DKK3: variants seen among roughly 807,000 people sequenced by gnomAD.
The protein encoded by DKK3 is dickkopf-related protein 3.
DKK3 carries 22 observed loss-of-function variants against 33.2 expected under a neutral mutation model. That is an observed-to-expected ratio of 0.66 (90% CI 0.47 to 0.95). The LOEUF (loss-of-function observed/expected upper bound fraction) is 0.95, where lower values mean the gene tolerates loss of function less well. DKK3 is among the 40% of genes least tolerant of loss of function. The pLI is 0.00. For missense variants in DKK3, 398 were observed against 458.4 expected (o/e 0.87, Z 1.20); for synonymous variants, 194 against 188.8 (o/e 1.03, Z -0.23).
intron 3 of DKK3, among the ~76,000 whole-genome samples, chr11:11,988,999 GAC>G (rs1848131708): frequency 6.6e-6 from 1 of 152,178 alleles, no homozygotes; most frequent in South Asian, 2.1e-4. Flanking sequence ...GGAATTTTGA[GAC>G]AGTCCTTCAG....
At chr11:11,988,412 C>T (rs570191401) in intron 3 of DKK3, among the ~76,000 whole-genome samples, 41 of 152,308 alleles carry the variant, frequency 2.7e-4, no homozygotes, top group African/African-American at 7.2e-4. Context: ...CTGCATTCCC[C>T]GCTTCCCATC....
In DKK3 at chr11:11,964,220, A is replaced by G. The variant is rs1349199948; in HGVS notation, c.*244T>C. 2 of 547,804 alleles carry G rather than the reference A, an allele frequency of 3.7e-6. No individual in the cohort carries two copies. Among genetic ancestry groups the G allele is most frequent in the Non-Finnish European group, 6.5e-6 (2 of 308,764 alleles). 33.9% of individuals were successfully genotyped at this position (547,804 alleles called of 1,614,324 possible). A position where few individuals can be genotyped will look rare whatever the true frequency, so the allele number is the denominator to read the frequency against. Reference sequence around the variant, plus strand: ...AGGCAAAGCAGCCAATAATCTGGACAGGGGTGGCAAACTGCTCCTGCAGTT... The same window carrying G: ...AGGCAAAGCAGCCAATAATCTGGACGGGGGTGGCAAACTGCTCCTGCAGTT... On this transcript the variant is annotated 3_prime_UTR_variant, in exon 7 of 7. Coordinates refer to ENST00000683431, the MANE Select transcript of DKK3 (RefSeq NM_001018057.2).
intron 3 of DKK3, among the ~76,000 whole-genome samples, chr11:11,989,962 T>C (rs4910430): frequency 0.086 from 13,147 of 152,308 alleles, 857 homozygotes; most frequent in Admixed American, 0.22. Context: ...GCAAGTCAGA[T>C]GCCTGGCACA....
rs940047032 is a variant in DKK3, at chr11:11,998,597, C to A, written c.435+99G>T. On this transcript the variant is annotated intron_variant, in intron 3 of 6. Transcript: ENST00000683431. Reference sequence around the variant, plus strand: ...AGAAATGAGTCAGGAGACTCCACTCCCTCCTGCCCATGGTCTGCATCTGAG... The same window carrying A: ...AGAAATGAGTCAGGAGACTCCACTCACTCCTGCCCATGGTCTGCATCTGAG... 1.7e-5 allele frequency: 18 copies of A among 1,030,646 alleles called. No individual in the cohort carries two copies. In the Admixed American group the frequency reaches 3.0e-4, roughly 17 times the overall value. The allele number at this position is 1,030,646 out of a possible 1,614,324, so 63.8% of individuals were successfully genotyped here.
At chr11:11,971,276 A>G (rs1007906817) in intron 3 of DKK3, among the ~76,000 whole-genome samples, 2 of 152,210 alleles carry the variant, frequency 1.3e-5, no homozygotes, top group East Asian at 1.9e-4. Flanking sequence ...AAATCCCTCC[A>G]TGCAGACATT....
chr11:11,988,922 C>T (rs940962067), intron 3 of DKK3, among the ~76,000 whole-genome samples: 1 of 152,244 alleles, frequency 6.6e-6, no homozygotes, highest in Admixed American at 6.5e-5. Context: ...GGCTGCCACA[C>T]TGCAGAGGCA....
At chr11:11,968,917 G>C (rs967424735) in intron 3 of DKK3, among the ~76,000 whole-genome samples, 3 of 152,240 alleles carry the variant, frequency 2.0e-5, no homozygotes, top group African/African-American at 7.2e-5. Context: ...AGACTGGGAG[G>C]CAGCAGAGGG....
intron 3 of DKK3, among the ~76,000 whole-genome samples, chr11:11,977,047 C>T (rs1309038741): frequency 6.6e-6 from 1 of 152,170 alleles, no homozygotes; most frequent in Admixed American, 6.5e-5. Context: ...AGGAGCCCAT[C>T]AGTGCCAGCT....
At position 11,963,131 on chromosome 11, in the gene DKK3, T is replaced by C. The variant is rs536160257; in HGVS notation, c.*1333A>G. ...AGCAGTTGAAGTGATTTATGCTTGA[T>C]TTCTAAATGCAACTTATGTTTATAC... On this transcript the variant is annotated 3_prime_UTR_variant, in exon 7 of 7. Coordinates refer to ENST00000683431, the MANE Select transcript of DKK3 (RefSeq NM_001018057.2). 4 of 152,768 alleles carry C rather than the reference T, an allele frequency of 2.6e-5. No homozygotes were observed. In the South Asian group the frequency reaches 8.3e-4, roughly 32 times the overall value. 9.5% of individuals were successfully genotyped at this position (152,768 alleles called of 1,614,324 possible). A position where few individuals can be genotyped will look rare whatever the true frequency, so the allele number is the denominator to read the frequency against.
intron 3 of DKK3, among the ~76,000 whole-genome samples, chr11:11,997,136 C>T (rs1004933114): frequency 1.3e-5 from 2 of 152,228 alleles, no homozygotes; most frequent in African/African-American, 4.8e-5. Flanking sequence ...CCTCATGTAT[C>T]CTGGTCCTCC....
intron 3 of DKK3, among the ~76,000 whole-genome samples, chr11:11,994,389 C>T (rs187168859): frequency 2.0e-5 from 3 of 152,150 alleles, no homozygotes; most frequent in African/African-American, 4.8e-5. Context: ...GGGCTCGAAC[C>T]GAGGTCTGCA....
intron 3 of DKK3, among the ~76,000 whole-genome samples, chr11:11,984,783 C>G (rs1012800572): frequency 6.6e-6 from 1 of 152,060 alleles, no homozygotes; most frequent in Non-Finnish European, 1.5e-5. Flanking sequence ...GGGTGGGGGA[C>G]GGCGCCTGGG....
chr11:12,007,613 T>C (rs1479762065), intron 1 of DKK3, among the ~76,000 whole-genome samples: 1 of 152,178 alleles, frequency 6.6e-6, no homozygotes, highest in Non-Finnish European at 1.5e-5. Context: ...CTGATAATAG[T>C]TGCTAAATAC....
At chr11:11,999,881 A>C (rs1367727553) in intron 2 of DKK3, among the ~76,000 whole-genome samples, 3 of 152,232 alleles carry the variant, frequency 2.0e-5, no homozygotes, top group African/African-American at 4.8e-5. Context: ...TAATTTGCAG[A>C]AGGGAATCAA....
At chr11:11,968,153 A>T (rs1847643257) in intron 4 of DKK3, among the ~76,000 whole-genome samples, 2 of 152,234 alleles carry the variant, frequency 1.3e-5, no homozygotes, top group South Asian at 4.1e-4. Flanking sequence ...CACAAACAAC[A>T]TGACCAGAGG....
rs1293564977 is a variant in DKK3 at position 12,005,688 on chromosome 11, T to G, written c.213+2682A>C. The stretch of plus-strand genomic sequence containing the variant: ...TGCCAGGAAGTTACTTGAAAGGAGA[T>G]TCATGATGCAACTATGTAAACAAAT... On this transcript the variant is annotated intron_variant, in intron 1 of 6. Transcript: ENST00000683431. Among the ~76,000 whole-genome samples the G allele has an allele frequency of 2.6e-5, 4 of 152,192 alleles. No individual in the cohort carries two copies. The East Asian group carries it at 7.7e-4, about 29-fold the overall frequency.
chr11:11,967,140 A>T, intron 4 of DKK3, 42 bp from the exon 5 acceptor site: 1 of 1,600,554 alleles, frequency 6.2e-7, no homozygotes, highest in Non-Finnish European at 8.5e-7. Context: ...CGGCTTAGGG[A>T]CTGGGGGCCT....
Position 11,968,398 on chromosome 11 carries a change from C to G in DKK3, c.525G>C (p.Arg175Ser), listed in dbSNP as rs549609054. 1.9e-6 allele frequency: 3 copies of G among 1,612,178 alleles called. No homozygotes were observed. The East Asian group carries it at 6.7e-5, about 36-fold the overall frequency. ...QYTCQPCRGQ[R>S]MLCTRDSECC... ...CCAGAGGCCCTGGCATACTCACCATCCTCTGGCCCCGGCATGGCTGGCAGG... is the reference window on the plus strand; with the variant it reads ...CCAGAGGCCCTGGCATACTCACCATGCTCTGGCCCCGGCATGGCTGGCAGG... Residue 175 changes from arginine to serine, a missense_variant, in exon 4 of 7, where the codon AGG (arginine) becomes AGC (serine). Arg to Ser is a moderately radical substitution (Grantham distance 110, BLOSUM62 -1). Coordinates refer to ENST00000683431, the MANE Select transcript of DKK3 (RefSeq NM_001018057.2).
intron 3 of DKK3, chr11:11,998,101 C>A (rs1408590860): frequency 1.3e-5 from 2 of 153,872 alleles, no homozygotes; most frequent in Non-Finnish European, 2.9e-5. Flanking sequence ...CATCCCCCGA[C>A]CTGTGCCCAG....
Sources: gnomAD v4.1 joint callset for allele counts (sites outside exome capture counted in the v4.1 genomes callset) on GRCh38, gnomAD v4.1.1 for gene constraint, MANE v1.5 for transcripts, NCBI Gene and HGNC (gene_info 2026-07-23, HGNC 2026-07-21) for gene names.